The following AKAP13 variants were observed in gnomAD, a reference collection of about 807,000 sequenced individuals.
The protein encoded by AKAP13 is A-kinase anchor protein 13.
AKAP13 carries 80 observed loss-of-function variants against 264.5 expected under a neutral mutation model. The observed-to-expected ratio is 0.30, with a 90% CI of 0.25 to 0.36. The LOEUF is 0.36. Ranked by LOEUF, AKAP13 falls within the 10% of genes least tolerant of loss-of-function variation. The probability of loss-of-function intolerance (pLI) is 1.00; values close to 1 mark genes in which losing one functional copy is unlikely to be tolerated. For synonymous variants in AKAP13, 1,380 were observed against 1,250.2 expected (o/e 1.10, Z -2.19); for missense variants, 3,712 against 3,435.2 (o/e 1.08, Z -2.01).
intron 1 of AKAP13, among the ~76,000 whole-genome samples, chr15:85,450,302 C>CAAGT (rs2074038208): frequency 6.6e-6 from 1 of 151,632 alleles, no homozygotes; most frequent in Non-Finnish European, 1.5e-5. Flanking sequence ...TTTGGATCTT[C>CAAGT]TCTCTTTTCT....
intron 8 of AKAP13, among the ~76,000 whole-genome samples, chr15:85,609,467 A>G (rs767243744): frequency 3.9e-5 from 6 of 152,178 alleles, no homozygotes; most frequent in Non-Finnish European, 7.3e-5. Context: ...TTTACAGCTG[A>G]ATAATATTCT....
At chr15:85,542,140 A>G (rs1200691556) in intron 4 of AKAP13, among the ~76,000 whole-genome samples, 3 of 152,184 alleles carry the variant, frequency 2.0e-5, no homozygotes, top group Non-Finnish European at 2.9e-5. Context: ...AGATGGTGCT[A>G]TTTGATCTTT....
At chr15:85,387,325 G>C (rs912517673) in intron 1 of AKAP13, among the ~76,000 whole-genome samples, 2 of 152,012 alleles carry the variant, frequency 1.3e-5, no homozygotes, top group African/African-American at 4.8e-5. Flanking sequence ...GATAGAACGA[G>C]AGTCCGTCTT....
In AKAP13 at chr15:85,581,897, C is replaced by G; in HGVS notation, c.3829C>G (p.His1277Asp). 6.2e-7 allele frequency: 1 copy of G among 1,614,144 alleles called. No individual in the cohort carries two copies. Among genetic ancestry groups the G allele is most frequent in the Admixed American group, 1.7e-5 (1 of 60,020 alleles). ...ACTGCTTACTGAGGGGGAGGCCTGT[C>G]ACATGTCACTGTCCAGCCCTGAGTT... is the stretch of plus-strand genomic sequence containing the variant. ...GALLTEGEAC[H>D]MSLSSPELGP... Residue 1277 changes from histidine to aspartate, a missense_variant, in exon 7 of 37, where the codon CAC (histidine) becomes GAC (aspartate). Physicochemically the swap from His to Asp is moderately conservative, Grantham distance 81. Transcript: ENST00000394518.
chr15:85,519,722 T>C (rs981116690), intron 2 of AKAP13, among the ~76,000 whole-genome samples: 4 of 152,106 alleles, frequency 2.6e-5, no homozygotes, highest in African/African-American at 7.2e-5. Context: ...TGCTCCACTG[T>C]GGTAGTCGTA....
At chr15:85,555,496 G>T (rs1464951387) in intron 5 of AKAP13, 1 of 1,272,920 alleles carries the variant, frequency 7.9e-7, no homozygotes, top group Non-Finnish European at 1.0e-6. Flanking sequence ...CCATGTGTGA[G>T]TATCAGCTTC....
At chr15:85,539,606 ACC>A (rs759087087) in intron 4 of AKAP13, among the ~76,000 whole-genome samples, 6 of 152,190 alleles carry the variant, frequency 3.9e-5, no homozygotes, top group Non-Finnish European at 7.3e-5. Context: ...AAAAGATACA[ACC>A]CTCTAGCAGG....
At chr15:85,399,519 A>ATAAAT (rs1450087789) in intron 1 of AKAP13, among the ~76,000 whole-genome samples, 20 of 124,574 alleles carry the variant, frequency 1.6e-4, no homozygotes, top group Non-Finnish European at 3.0e-4. Flanking sequence ...AAAAAAAAAA[A>ATAAAT]AAATAAAAAA....
chr15:85,495,767 T>G (rs990338004), intron 2 of AKAP13, among the ~76,000 whole-genome samples: 1 of 152,092 alleles, frequency 6.6e-6, no homozygotes, highest in African/African-American at 2.4e-5. Flanking sequence ...CCCCAACAGA[T>G]CTGGTTGATT....
At position 85,572,749 on chromosome 15, in the gene AKAP13, C is replaced by T. The variant is rs531588877; in HGVS notation, c.663-2382C>T. On this transcript the variant is annotated intron_variant, in intron 5 of 36. Coordinates refer to ENST00000394518, the MANE Select transcript of AKAP13 (RefSeq NM_007200.5). ...GTTTATTACATAGGTATACACGTGC[C>T]GTGGAGGTTTGCTGCACCCATCAAC... Among the ~76,000 whole-genome samples, 44 of 152,104 alleles carry T rather than the reference C, an allele frequency of 2.9e-4. 1 individual carries two copies. Among genetic ancestry groups the T allele is most frequent in the South Asian group, 1.9e-3 (9 of 4,814 alleles).
chr15:85,407,406 T>A lies in AKAP13; in HGVS notation c.-12+26608T>A, dbSNP rs560843356. On this transcript the variant is annotated intron_variant, in intron 1 of 36. Transcript: ENST00000394518. ...CCATGCCTGGCTAATTTTTTTAAAATTTTTTTTATTTTTAGTAGAGACAGG... is the reference window on the plus strand; with the variant it reads ...CCATGCCTGGCTAATTTTTTTAAAAATTTTTTTATTTTTAGTAGAGACAGG... 2.2e-3 allele frequency among the ~76,000 whole-genome samples: 330 copies of A among 151,430 alleles called. 2 individuals are homozygous for A. The highest frequency in any genetic ancestry group is 0.011 in the South Asian group (55 of 4,812).
At chr15:85,400,468 C>T (rs2071370436) in intron 1 of AKAP13, among the ~76,000 whole-genome samples, 1 of 152,042 alleles carries the variant, frequency 6.6e-6, no homozygotes, top group African/African-American at 2.4e-5. Context: ...GTATAATCCA[C>T]ATATGTTCCT....
intron 1 of AKAP13, among the ~76,000 whole-genome samples, chr15:85,426,955 G>GTTTTTTTT (rs71468105): frequency 8.0e-6 from 1 of 125,090 alleles, no homozygotes. Context: ...GTTTTGTTTT[G>GTTTTTTTT]TTTTTTTTTT....
chr15:85,743,614 G>A lies in AKAP13; in HGVS notation c.8181G>A (p.Val2727=), dbSNP rs767277045. The part of the protein sequence containing the change: ...KSGSLDSELS[V]SPKRNSISRT... ...GGTCATTGGACTCAGAACTTTCAGT[G>A]TCCCCAAAAAGGAACAGCATCTCTC... Residue 2727 remains valine, a synonymous_variant, in exon 36 of 37, where the codon GTG becomes GTA. Transcript: ENST00000394518. 1.9e-6 allele frequency: 3 copies of A among 1,614,100 alleles called. No individual in the cohort carries two copies. The highest frequency in any genetic ancestry group is 2.5e-6 in the Non-Finnish European group (3 of 1,180,028).
At chr15:85,606,397 C>T (rs1033809648) in intron 8 of AKAP13, among the ~76,000 whole-genome samples, 5 of 152,120 alleles carry the variant, frequency 3.3e-5, no homozygotes, top group African/African-American at 1.2e-4. Context: ...CCACAGTGCC[C>T]AGCCTAGGTT....
intron 6 of AKAP13, among the ~76,000 whole-genome samples, chr15:85,576,605 A>C (rs555180271): frequency 6.6e-6 from 1 of 152,364 alleles, no homozygotes; most frequent in African/African-American, 2.4e-5. Context: ...AAACCACTGG[A>C]CAGTAATTTC....
At chr15:85,692,160 A>G (rs1348922300) in intron 16 of AKAP13, among the ~76,000 whole-genome samples, 3 of 152,094 alleles carry the variant, frequency 2.0e-5, no homozygotes, top group Non-Finnish European at 2.9e-5. Context: ...AATTTCTTCT[A>G]TCTTCCCTGC....
At chr15:85,567,189 C>A (rs550884171) in intron 5 of AKAP13, among the ~76,000 whole-genome samples, 1 of 151,348 alleles carries the variant, frequency 6.6e-6, no homozygotes. Context: ...CTCACTGCAA[C>A]CTCCACCTCC....
At chr15:85,440,521 G>T (rs1252727674) in intron 1 of AKAP13, among the ~76,000 whole-genome samples, 1 of 152,154 alleles carries the variant, frequency 6.6e-6, no homozygotes, top group Non-Finnish European at 1.5e-5. Flanking sequence ...TTGTCAAATA[G>T]ATAAAGGAGC....
Sources: allele counts gnomAD v4.1 joint callset (sites outside exome capture counted in the v4.1 genomes callset), GRCh38; gene constraint gnomAD v4.1.1; transcripts MANE v1.5; gene names NCBI Gene and HGNC (gene_info 2026-07-23, HGNC 2026-07-21).